Variants in GPC5 observed in about 807,000 individuals in gnomAD.
GPC5 encodes the protein glypican 5.
GPC5 carries 47 observed loss-of-function variants against 53.9 expected under a neutral mutation model. The ratio of observed to expected loss-of-function variants is 0.87; its 90% CI spans 0.69 to 1.11. The LOEUF (loss-of-function observed/expected upper bound fraction) is 1.11. Among genes scored for constraint, GPC5 ranks in the 50% most tolerant of loss-of-function variants. The pLI, the probability that GPC5 is intolerant of heterozygous loss-of-function variation, is 0.00. For synonymous variants in GPC5, 286 were observed against 263.3 expected (o/e 1.09, Z -0.84); for missense variants, 748 against 713.1 (o/e 1.05, Z -0.56).
chr13:92,275,419 G>A lies in GPC5; in HGVS notation c.1561+130430G>A, dbSNP rs116537860. ...ATGATACACACTAAAACTACTTAAT[G>A]CAATGAAATTGACTTCGTTGAATTT... On this transcript the variant is annotated intron_variant, in intron 7 of 7. Coordinates refer to ENST00000377067, the MANE Select transcript of GPC5 (RefSeq NM_004466.6). Among the ~76,000 whole-genome samples, 474 of 152,144 alleles carry A rather than the reference G, an allele frequency of 3.1e-3. 3 individuals are homozygous for A. Among genetic ancestry groups the A allele is most frequent in the African/African-American group, 0.011 (449 of 41,534 alleles).
intron 2 of GPC5, among the ~76,000 whole-genome samples, chr13:91,656,309 C>T (rs980394649): frequency 1.3e-5 from 2 of 152,046 alleles, no homozygotes; most frequent in African/African-American, 4.8e-5. Context: ...ATGACTGTCA[C>T]CTAAAGCTGA....
rs1430969989 is a variant in GPC5 at position 92,264,427 on chromosome 13, C to T, written c.1561+119438C>T. ...TTTTGCTTTAAGGTGTTTTCCCAAA[C>T]TGTGCCTAAATGGTGGTTTTCATTA... On this transcript the variant is annotated intron_variant, in intron 7 of 7. Coordinates refer to ENST00000377067, the MANE Select transcript of GPC5 (RefSeq NM_004466.6). 2.0e-5 allele frequency among the ~76,000 whole-genome samples: 3 copies of T among 152,110 alleles called. No individual in the cohort carries two copies. The East Asian group carries it at 5.8e-4, about 29-fold the overall frequency.
At chr13:92,112,586 G>A (rs1447146191) in intron 6 of GPC5, among the ~76,000 whole-genome samples, 2 of 152,116 alleles carry the variant, frequency 1.3e-5, no homozygotes, top group African/African-American at 2.4e-5. Context: ...CAAGCTACAA[G>A]AGAAGGCAAA....
intron 7 of GPC5, among the ~76,000 whole-genome samples, chr13:92,311,694 CT>C (rs1282604379): frequency 1.3e-5 from 2 of 152,114 alleles, no homozygotes; most frequent in Non-Finnish European, 2.9e-5. Context: ...GACTTATTCA[CT>C]ATCACAAGAA....
chr13:92,026,321 C>T (rs1412926001), intron 6 of GPC5, among the ~76,000 whole-genome samples: 1 of 151,742 alleles, frequency 6.6e-6, no homozygotes, highest in Admixed American at 6.6e-5. Flanking sequence ...TTATAAATTC[C>T]TAAGTCCAAA....
chr13:91,928,861 A>T (rs2039794265), intron 6 of GPC5, among the ~76,000 whole-genome samples: 1 of 152,194 alleles, frequency 6.6e-6, no homozygotes, highest in Non-Finnish European at 1.5e-5. Context: ...GGAGCAAAGC[A>T]GAAAGATGTG....
At chr13:91,805,418 G>C (rs1175534692) in intron 5 of GPC5, among the ~76,000 whole-genome samples, 3 of 152,146 alleles carry the variant, frequency 2.0e-5, no homozygotes, top group African/African-American at 7.2e-5. Context: ...AAATTAAAGA[G>C]TGTATTTTGC....
At chr13:92,645,407 A>T (rs1885735510) in intron 7 of GPC5, among the ~76,000 whole-genome samples, 2 of 152,168 alleles carry the variant, frequency 1.3e-5, no homozygotes, top group Non-Finnish European at 2.9e-5. Flanking sequence ...TTGTCCTAGT[A>T]GTTTTGTGTT....
chr13:91,813,919 G>A (rs1485702883), intron 5 of GPC5, among the ~76,000 whole-genome samples: 1 of 111,088 alleles, frequency 9.0e-6, no homozygotes, highest in African/African-American at 3.5e-5. Flanking sequence ...TATCTTAACT[G>A]ATTTTTTTTT....
intron 2 of GPC5, among the ~76,000 whole-genome samples, chr13:91,664,794 A>C (rs902077453): frequency 1.3e-5 from 2 of 152,222 alleles, no homozygotes; most frequent in African/African-American, 4.8e-5. Flanking sequence ...TCACTATCCA[A>C]AGATGATACT....
intron 7 of GPC5, among the ~76,000 whole-genome samples, chr13:92,549,278 T>C (rs1359012707): frequency 6.6e-6 from 1 of 152,176 alleles, no homozygotes; most frequent in Non-Finnish European, 1.5e-5. Flanking sequence ...CACTAATTTC[T>C]GTGTGGCTTA....
At chr13:91,718,832 T>TA (rs974844786) in intron 3 of GPC5, among the ~76,000 whole-genome samples, 13 of 152,298 alleles carry the variant, frequency 8.5e-5, no homozygotes, top group African/African-American at 3.1e-4. Context: ...TCATGGCTTA[T>TA]AGCATTTCTT....
chr13:91,672,590 C>G (rs1490431607), intron 2 of GPC5, among the ~76,000 whole-genome samples: 1 of 152,116 alleles, frequency 6.6e-6, no homozygotes, highest in Non-Finnish European at 1.5e-5. Context: ...ACAATAGATG[C>G]TGGTGAGGCT....
intron 7 of GPC5, among the ~76,000 whole-genome samples, chr13:92,844,877 T>C (rs528580956): frequency 6.6e-6 from 1 of 152,266 alleles, no homozygotes; most frequent in South Asian, 2.1e-4. Context: ...TGAGGAAGCT[T>C]ATCTCTGGAA....
At chr13:91,864,919 A>G (rs1258960720) in intron 5 of GPC5, among the ~76,000 whole-genome samples, 2 of 133,058 alleles carry the variant, frequency 1.5e-5, no homozygotes, top group African/African-American at 2.8e-5. Flanking sequence ...TTTTTTTTTA[A>G]TTTGAGACAG....
At chr13:92,385,355 CATATAT>C (rs558892352) in intron 7 of GPC5, among the ~76,000 whole-genome samples, 4 of 88,364 alleles carry the variant, frequency 4.5e-5, no homozygotes, top group African/African-American at 1.7e-4. Flanking sequence ...TACATATATA[CATATAT>C]ACATATATAT....
In GPC5 at chr13:92,669,469, T is replaced by G. The variant is rs74846484; in HGVS notation, c.1562-196813T>G. The stretch of plus-strand genomic sequence containing the variant: ...AACAGTGATGCTACATTTATATTAT[T>G]CTTGACAGATGAAACTGAGCACCTG... On this transcript the variant is annotated intron_variant, in intron 7 of 7. Coordinates refer to ENST00000377067, the MANE Select transcript of GPC5 (RefSeq NM_004466.6). Among the ~76,000 whole-genome samples the G allele has an allele frequency of 6.6e-3, 998 of 152,262 alleles. 10 individuals are homozygous for G. The highest frequency in any genetic ancestry group is 0.023 in the African/African-American group (955 of 41,550).
At chr13:91,819,141 A>C (rs1238620459) in intron 5 of GPC5, among the ~76,000 whole-genome samples, 1 of 149,678 alleles carries the variant, frequency 6.7e-6, no homozygotes, top group African/African-American at 2.5e-5. Flanking sequence ...TTTATTAAAA[A>C]AAATATGCGC....
chr13:92,097,800 G>A (rs2041433570), intron 6 of GPC5, among the ~76,000 whole-genome samples: 1 of 152,274 alleles, frequency 6.6e-6, no homozygotes, highest in East Asian at 1.9e-4. Flanking sequence ...AACTGTAAAT[G>A]CATGCTATAT....
Sources: allele counts gnomAD v4.1 joint callset (sites outside exome capture counted in the v4.1 genomes callset), GRCh38; gene constraint gnomAD v4.1.1; transcripts MANE v1.5; gene names NCBI Gene and HGNC (gene_info 2026-07-23, HGNC 2026-07-21).